SUPT20H: variants seen among roughly 807,000 people sequenced by gnomAD.
SUPT20H encodes transcription factor SPT20 homolog.
A neutral mutation model predicts 122.8 loss-of-function variants in SUPT20H; 82 were observed. That is an observed-to-expected ratio of 0.67 (90% CI 0.56 to 0.80). The LOEUF (loss-of-function observed/expected upper bound fraction) is 0.80, where lower values mean the gene tolerates loss of function less well. SUPT20H is among the 30% of genes least tolerant of loss of function. The pLI, the probability that SUPT20H is intolerant of heterozygous loss-of-function variation, is 0.00. For missense variants in SUPT20H, 831 were observed against 921.6 expected (o/e 0.90, Z 1.27); for synonymous variants, 291 against 313.0 (o/e 0.93, Z 0.74).
intron 21 of SUPT20H, among the ~76,000 whole-genome samples, chr13:37,020,797 C>T (rs1025457540): frequency 1.3e-5 from 2 of 151,976 alleles, no homozygotes; most frequent in Admixed American, 6.6e-5. Context: ...TATTATAATA[C>T]ATTATTTTAA....
chr13:37,025,293 C>G (rs372537880), intron 17 of SUPT20H, 27 bp downstream of exon 17: 1 of 1,536,476 alleles, frequency 6.5e-7, no homozygotes, highest in Non-Finnish European at 9.0e-7. Flanking sequence ...CAACTGGGCA[C>G]AAAGAAGTAA....
intron 7 of SUPT20H, among the ~76,000 whole-genome samples, chr13:37,042,960 A>G (rs2138746123): frequency 6.6e-6 from 1 of 152,344 alleles, no homozygotes; most frequent in South Asian, 2.1e-4. Context: ...GCCCTAATCA[A>G]AAAACCTGAA....
chr13:37,055,118 G>C (rs1307930701), intron 1 of SUPT20H, among the ~76,000 whole-genome samples: 1 of 152,134 alleles, frequency 6.6e-6, no homozygotes, highest in African/African-American at 2.4e-5. Context: ...AAATAAAAGA[G>C]GATACAAACA....
chr13:37,015,022 T>C (rs1247002482), intron 23 of SUPT20H, among the ~76,000 whole-genome samples: 1 of 152,126 alleles, frequency 6.6e-6, no homozygotes, highest in East Asian at 1.9e-4. Flanking sequence ...GAAGAGTTCT[T>C]AATAAATTTA....
At chr13:37,053,158 C>T (rs2068116640) in intron 1 of SUPT20H, among the ~76,000 whole-genome samples, 1 of 152,252 alleles carries the variant, frequency 6.6e-6, no homozygotes, top group South Asian at 2.1e-4. Flanking sequence ...ACCCAGCAAT[C>T]CCATTACTGG....
chr13:37,054,252 T>C (rs1262762426), intron 1 of SUPT20H, among the ~76,000 whole-genome samples: 1 of 152,184 alleles, frequency 6.6e-6, no homozygotes, highest in Non-Finnish European at 1.5e-5. Context: ...GAGGGAATCC[T>C]CCCTAACTCA....
At position 37,009,504 on chromosome 13, in the gene SUPT20H, C is replaced by A; in HGVS notation, c.*168G>T. Reference sequence around the variant, plus strand: ...GCAAACCAACCCTAGTTTGTTAAACCATTTCCCTGTTTTTATTTAAAAATG... The same window carrying A: ...GCAAACCAACCCTAGTTTGTTAAACAATTTCCCTGTTTTTATTTAAAAATG... On this transcript the variant is annotated 3_prime_UTR_variant, in exon 26 of 26. Coordinates refer to ENST00000350612, the MANE Select transcript of SUPT20H (RefSeq NM_001014286.3). 1 of 940,940 alleles carries A rather than the reference C, an allele frequency of 1.1e-6. No homozygotes were observed. The highest frequency in any genetic ancestry group is 1.6e-6 in the Non-Finnish European group (1 of 622,544). 58.3% of individuals were successfully genotyped at this position (940,940 alleles called of 1,614,324 possible). A position where few individuals can be genotyped will look rare whatever the true frequency, so the allele number is the denominator to read the frequency against.
intron 23 of SUPT20H, among the ~76,000 whole-genome samples, chr13:37,016,289 G>A (rs2060473965): frequency 6.6e-6 from 1 of 152,064 alleles, no homozygotes; most frequent in African/African-American, 2.4e-5. Flanking sequence ...AATTAGTCGG[G>A]CGTGGTGGCA....
intron 19 of SUPT20H, among the ~76,000 whole-genome samples, chr13:37,023,265 C>T (rs189459858): frequency 6.6e-6 from 1 of 152,154 alleles, no homozygotes; most frequent in Non-Finnish European, 1.5e-5. Context: ...ATATCTAATG[C>T]GAAGACCACC....
rs765385417 is a variant in SUPT20H, at chr13:37,028,287, C to T, written c.1012G>A (p.Val338Ile). 1 of 1,609,364 alleles carries T rather than the reference C, an allele frequency of 6.2e-7. No homozygotes were observed. Among genetic ancestry groups the T allele is most frequent in the Non-Finnish European group, 8.5e-7 (1 of 1,178,540 alleles). Residue 338 changes from valine (V) to isoleucine (I), a missense_variant, in exon 14 of 26, where the codon GTA (valine) becomes ATA (isoleucine). Coordinates refer to ENST00000350612, the MANE Select transcript of SUPT20H (RefSeq NM_001014286.3). ...WPAHDVKDDY[V>I]FECEAGTQYQ... is the part of the protein sequence containing the mutation. ...TGAGTACCAGCTTCACATTCAAATA[C>T]ATAATCATCTTTTACATCCTGAAAA... is the stretch of plus-strand genomic sequence containing the variant.
chr13:37,036,523 T>C (rs1452972202), intron 9 of SUPT20H, among the ~76,000 whole-genome samples: 6 of 152,118 alleles, frequency 3.9e-5, no homozygotes, highest in African/African-American at 1.2e-4. Flanking sequence ...GGTTTCACCA[T>C]GTTGGCCGGG....
intron 9 of SUPT20H, among the ~76,000 whole-genome samples, chr13:37,035,018 T>G (rs534456794): frequency 6.6e-6 from 1 of 152,330 alleles, no homozygotes; most frequent in Non-Finnish European, 1.5e-5. Context: ...TTCAAAAATA[T>G]TACTGCTCAT....
chr13:37,014,470 G>A (rs186583144), intron 23 of SUPT20H, among the ~76,000 whole-genome samples: 8 of 152,126 alleles, frequency 5.3e-5, no homozygotes, highest in African/African-American at 1.4e-4. Context: ...GACAGATCAC[G>A]TTCTCAAGCA....
intron 23 of SUPT20H, chr13:37,012,527 C>G (rs1256373187): frequency 1.2e-5 from 4 of 338,742 alleles, no homozygotes; most frequent in African/African-American, 6.3e-5. Context: ...TTGTTTAATG[C>G]TACCTAGATA....
At chr13:37,042,209 A>G (rs2065603354) in intron 7 of SUPT20H, among the ~76,000 whole-genome samples, 1 of 152,208 alleles carries the variant, frequency 6.6e-6, no homozygotes, top group South Asian at 2.1e-4. Context: ...GTAAGGACAG[A>G]GTCATCTGTT....
At chr13:37,048,010 A>C (rs1007440472) in intron 3 of SUPT20H, 74 bp from the exon 4 acceptor site, 2 of 1,104,684 alleles carry the variant, frequency 1.8e-6, no homozygotes, top group African/African-American at 3.2e-5. Flanking sequence ...AGTATATCTA[A>C]AACATACGTA....
chr13:37,047,346 C>T (rs1206846686), intron 5 of SUPT20H, 189 bp downstream of exon 5: 6 of 485,952 alleles, frequency 1.2e-5, no homozygotes, highest in East Asian at 5.7e-5. Context: ...TCACTCCTAC[C>T]TCAGCAGGTG....
intron 15 of SUPT20H, among the ~76,000 whole-genome samples, 158 bp downstream of exon 15, chr13:37,026,632 T>G (rs116886467): frequency 0.011 from 1,651 of 152,212 alleles, 19 homozygotes; most frequent in Non-Finnish European, 0.017. Context: ...TTTTAGAAGT[T>G]ACTATTAATG....
Position 37,027,336 on chromosome 13 carries a change from A to G in SUPT20H, c.1152-520T>C, listed in dbSNP as rs556698294. On this transcript the variant is annotated intron_variant, in intron 14 of 25. Transcript: ENST00000350612. ...TATAACTTAAAAAAAAAAGAAGAAA[A>G]TGTATGTTATCAAAATATCTGATCC... Among the ~76,000 whole-genome samples the G allele has an allele frequency of 2.0e-5, 3 of 152,162 alleles. No homozygotes were observed. In the South Asian group the frequency reaches 6.2e-4, roughly 32 times the overall value.
Sources: allele counts gnomAD v4.1 joint callset (sites outside exome capture counted in the v4.1 genomes callset), GRCh38; gene constraint gnomAD v4.1.1; transcripts MANE v1.5; gene names NCBI Gene and HGNC (gene_info 2026-07-23, HGNC 2026-07-21).